Variants in ITGAL observed in about 807,000 individuals in gnomAD.
ITGAL encodes integrin subunit alpha L, also known as integrin alpha-L.
ITGAL carries 68 observed loss-of-function variants against 138.4 expected under a neutral mutation model. The ratio of observed to expected loss-of-function variants is 0.49; its 90% CI spans 0.40 to 0.60. The LOEUF is 0.60. ITGAL is among the 20% of genes least tolerant of loss of function. ITGAL has a pLI of 0.00. For missense variants in ITGAL, 1,256 were observed against 1,478.6 expected (o/e 0.85, Z 2.47); for synonymous variants, 561 against 584.3 (o/e 0.96, Z 0.57).
At chr16:30,506,058 G>C (rs1042261224) in intron 20 of ITGAL, among the ~76,000 whole-genome samples, 3 of 152,042 alleles carry the variant, frequency 2.0e-5, no homozygotes, top group African/African-American at 7.2e-5. Flanking sequence ...TCAGGAGCTC[G>C]AGGCCAGCCT....
chr16:30,475,711 T>C (rs2050460951), intron 4 of ITGAL, 131 bp downstream of exon 4: 6 of 678,772 alleles, frequency 8.8e-6, no homozygotes, highest in Admixed American at 7.9e-5. Flanking sequence ...TTAGTGTTTA[T>C]TGAGAACCAA....
At chr16:30,508,564 G>C (rs56923557) in intron 21 of ITGAL, among the ~76,000 whole-genome samples, 3,458 of 152,256 alleles carry the variant, frequency 0.023, 128 homozygotes, top group African/African-American at 0.077. Flanking sequence ...ATGTGGTGGT[G>C]CGCACCTGCA....
intron 20 of ITGAL, 107 bp downstream of exon 20, chr16:30,505,569 C>T (rs2050975384): frequency 2.4e-6 from 2 of 841,238 alleles, no homozygotes; most frequent in African/African-American, 3.4e-5. Context: ...TCTCTTGGGC[C>T]TTAGTTTCCT....
chr16:30,521,510 A>C lies in ITGAL; in HGVS notation c.3358A>C (p.Asn1120His), dbSNP rs368792972. 2.4e-5 allele frequency: 38 copies of C among 1,613,988 alleles called. No individual in the cohort carries two copies. Among genetic ancestry groups the C allele is most frequent in the Non-Finnish European group, 3.2e-5 (38 of 1,180,018 alleles). Residue 1120 changes from asparagine (N) to histidine (H), a missense_variant, in exon 31 of 31, where the codon AAC becomes CAC. Around this residue, in one of 3 missense-constraint regions of ITGAL, gnomAD observed 867 missense variants for 972.5 expected, o/e 0.89. Coordinates refer to ENST00000356798, the MANE Select transcript of ITGAL (RefSeq NM_002209.3). ...TGTACAGGTTGGTTTCTTCAAACGG[A>C]ACCTGAAGGAGAAGATGGAGGCTGG... ...VLYKVGFFKR[N>H]LKEKMEAGRG...
rs2050779331 is a variant in ITGAL, at chr16:30,494,990, A to G, written c.1503+140A>G. 1.2e-6 allele frequency: 1 copy of G among 859,586 alleles called. No homozygotes were observed. The highest frequency in any genetic ancestry group is 1.7e-5 in the African/African-American group (1 of 58,884). 53.2% of individuals were successfully genotyped at this position (859,586 alleles called of 1,614,324 possible). Reference sequence around the variant, plus strand: ...GACAGAGAGGCAATAGCAAATCCTCACTGGGGAAAGACTGTATGCAGGGTC... The same window carrying G: ...GACAGAGAGGCAATAGCAAATCCTCGCTGGGGAAAGACTGTATGCAGGGTC... On this transcript the variant is annotated intron_variant, in intron 13 of 30. Transcript: ENST00000356798. The surrounding 1 kb of genome is among the most constrained non-coding windows in gnomAD (Gnocchi z 4.2).
intron 6 of ITGAL, 149 bp from the exon 7 acceptor site, chr16:30,481,290 G>A (rs960833515): frequency 1.6e-6 from 1 of 629,998 alleles, no homozygotes; most frequent in South Asian, 2.0e-5. Context: ...AGGTTGCAGT[G>A]AGCCAAGATT....
At chr16:30,515,635 A>G (rs1216971063) in intron 25 of ITGAL, among the ~76,000 whole-genome samples, 1 of 151,892 alleles carries the variant, frequency 6.6e-6, no homozygotes, top group Non-Finnish European at 1.5e-5. Flanking sequence ...GGCTCCCCAC[A>G]TGTCTCTTCT....
chr16:30,520,041 A>T (rs749256045), intron 30 of ITGAL, 74 bp downstream of exon 30: 38 of 1,127,692 alleles, frequency 3.4e-5, no homozygotes, highest in Non-Finnish European at 4.9e-5. Flanking sequence ...GGAGCCAGGG[A>T]GGAGAATACC....
intron 4 of ITGAL, chr16:30,477,172 T>C (rs1444635832): frequency 3.3e-5 from 5 of 152,188 alleles, no homozygotes; most frequent in Admixed American, 2.0e-4. Flanking sequence ...GAAATATTCA[T>C]CCAGTATTTA....
chr16:30,476,213 T>C (rs1044157080), intron 4 of ITGAL, among the ~76,000 whole-genome samples: 42 of 151,064 alleles, frequency 2.8e-4, no homozygotes, highest in Admixed American at 4.6e-4. Flanking sequence ...ATCATGCCAC[T>C]GCACTCCAGC....
chr16:30,496,653 T>A (rs1049425372), intron 15 of ITGAL, 87 bp downstream of exon 15: 17 of 1,271,090 alleles, frequency 1.3e-5, no homozygotes, highest in Admixed American at 3.4e-5. Context: ...TATTTTGGTT[T>A]TTTTTAGAGA....
chr16:30,509,712 AG>A (rs979385373), intron 21 of ITGAL, among the ~76,000 whole-genome samples: 2 of 152,044 alleles, frequency 1.3e-5, no homozygotes, highest in African/African-American at 2.4e-5. Flanking sequence ...CTGGGACAAC[AG>A]GCACGCCCCA....
At chr16:30,500,687 C>CT (rs1403841522) in intron 17 of ITGAL, among the ~76,000 whole-genome samples, 1 of 152,026 alleles carries the variant, frequency 6.6e-6, no homozygotes, top group Non-Finnish European at 1.5e-5. Flanking sequence ...GTAGCTAGGA[C>CT]TACAGGCATG....
intron 7 of ITGAL, among the ~76,000 whole-genome samples, chr16:30,482,808 T>C (rs1044832378): frequency 3.3e-5 from 5 of 152,026 alleles, no homozygotes; most frequent in African/African-American, 7.2e-5. Context: ...AGGAAGGCTG[T>C]GGGCAAAACA....
Position 30,521,669 on chromosome 16 carries a change from C to A in ITGAL, c.*4C>A. ...GAGTGGTGGTGGCAAGGACTGAGTC[C>A]AGGCCTGTGAGGTGCAGAGTGCCCA... On this transcript the variant is annotated 3_prime_UTR_variant, in exon 31 of 31. Coordinates refer to ENST00000356798, the MANE Select transcript of ITGAL (RefSeq NM_002209.3). The A allele has an allele frequency of 1.2e-6, 2 of 1,613,212 alleles. No individual in the cohort carries two copies. Among genetic ancestry groups the A allele is most frequent in the Non-Finnish European group, 1.7e-6 (2 of 1,179,854 alleles).
At chr16:30,497,942 A>C (rs2050826849) in intron 15 of ITGAL, among the ~76,000 whole-genome samples, 2 of 151,174 alleles carry the variant, frequency 1.3e-5, no homozygotes, top group Admixed American at 1.3e-4. Flanking sequence ...GTGAGATCCT[A>C]CCACAAAAAA....
chr16:30,477,988 G>A (rs2050495634), intron 4 of ITGAL, among the ~76,000 whole-genome samples: 1 of 150,836 alleles, frequency 6.6e-6, no homozygotes, highest in African/African-American at 2.4e-5. Context: ...GAGAGAGATA[G>A]GAAGGAAGGA....
intron 21 of ITGAL, among the ~76,000 whole-genome samples, chr16:30,508,459 C>G (rs1459641465): frequency 6.6e-6 from 1 of 152,072 alleles, no homozygotes; most frequent in Non-Finnish European, 1.5e-5. Flanking sequence ...GTGATCTACC[C>G]GCCTTGGCCT....
At chr16:30,473,014 G>A in intron 1 of ITGAL, 116 bp downstream of exon 1, 1 of 903,022 alleles carries the variant, frequency 1.1e-6, no homozygotes, top group Non-Finnish European at 1.8e-6. Context: ...TTGGCCTTAG[G>A]GATATGGGGC....
Sources: allele counts gnomAD v4.1 joint callset (sites outside exome capture counted in the v4.1 genomes callset), GRCh38; gene constraint gnomAD v4.1.1; regional missense constraint gnomAD v4.1.1; non-coding constraint Gnocchi (gnomAD v3.1); transcripts MANE v1.5; gene names NCBI Gene and HGNC (gene_info 2026-07-23, HGNC 2026-07-21).